SLIT2: variants seen among roughly 807,000 people sequenced by gnomAD.
SLIT2 encodes the protein slit guidance ligand 2.
A neutral mutation model predicts 185.7 loss-of-function variants in SLIT2; 41 were observed. The observed-to-expected ratio is 0.22, with a 90% CI of 0.17 to 0.29. SLIT2 has a LOEUF of 0.29. SLIT2 is among the 10% of genes least tolerant of loss of function. The probability of loss-of-function intolerance (pLI) is 1.00; values close to 1 mark genes in which losing one functional copy is unlikely to be tolerated. For missense variants in SLIT2, 1,571 were observed against 1,909.0 expected, an observed-to-expected ratio of 0.82 and a Z score of 3.30; for synonymous variants, 693 against 680.2, an observed-to-expected ratio of 1.02 and a Z score of -0.29.
At chr4:20,514,886 G>A (rs542536247) in intron 11 of SLIT2, among the ~76,000 whole-genome samples, 17 of 151,676 alleles carry the variant, frequency 1.1e-4, no homozygotes, top group South Asian at 2.1e-4. Context: ...CATTCATGTC[G>A]TTTTCAGGGA....
chr4:20,428,435 A>G (rs990682314), intron 4 of SLIT2, among the ~76,000 whole-genome samples: 2 of 152,174 alleles, frequency 1.3e-5, no homozygotes, highest in Admixed American at 6.5e-5. Context: ...CTTTTCCTCA[A>G]AATGTGTTTT....
Position 20,599,687 on chromosome 4 carries a change from G to GT in SLIT2, c.3692+1299dup, listed in dbSNP as rs376000910. Reference sequence around the variant, plus strand: ...TTCAGGAAAAAGGCAGAAATCTGGGGTTTTTTTAATATAAATTTTCTCTCC... The same window carrying GT: ...TTCAGGAAAAAGGCAGAAATCTGGGGTTTTTTTTAATATAAATTTTCTCTCC... On this transcript the variant is annotated intron_variant, in intron 33 of 36. Transcript: ENST00000504154. Among the ~76,000 whole-genome samples, 632 of 152,192 alleles carry GT rather than the reference G, an allele frequency of 4.2e-3. 9 individuals carry two copies. The highest frequency in any genetic ancestry group is 0.014 in the African/African-American group (596 of 41,530).
intron 4 of SLIT2, among the ~76,000 whole-genome samples, chr4:20,399,715 C>A (rs1204314976): frequency 6.6e-6 from 1 of 151,680 alleles, no homozygotes; most frequent in African/African-American, 2.4e-5. Flanking sequence ...CAATTAATTG[C>A]TACAAGGAAA....
intron 4 of SLIT2, among the ~76,000 whole-genome samples, chr4:20,335,855 T>C (rs774961386): frequency 6.6e-6 from 1 of 152,150 alleles, no homozygotes; most frequent in Non-Finnish European, 1.5e-5. Flanking sequence ...CAATTAATAA[T>C]AATAACTACC....
chr4:20,532,677 T>C (rs1721914307), intron 17 of SLIT2, among the ~76,000 whole-genome samples: 1 of 152,188 alleles, frequency 6.6e-6, no homozygotes, highest in African/African-American at 2.4e-5. Context: ...ATCAGCTCAC[T>C]TTAGCTGTGT....
At chr4:20,294,181 C>T (rs1716243110) in intron 4 of SLIT2, among the ~76,000 whole-genome samples, 1 of 151,894 alleles carries the variant, frequency 6.6e-6, no homozygotes, top group Admixed American at 6.6e-5. Context: ...AACCCTGTCT[C>T]TACTAAAATT....
chr4:20,293,929 T>A (rs1306346995), intron 4 of SLIT2, among the ~76,000 whole-genome samples: 2 of 144,518 alleles, frequency 1.4e-5, no homozygotes, highest in African/African-American at 5.2e-5. Context: ...CCTTTTTTAC[T>A]TTTTTTTTTT....
chr4:20,586,161 A>G (rs1313001988), intron 29 of SLIT2, among the ~76,000 whole-genome samples: 2 of 152,212 alleles, frequency 1.3e-5, no homozygotes, highest in African/African-American at 4.8e-5. Context: ...CCTCAAGTAT[A>G]GCAGAATCCA....
At chr4:20,326,133 A>G (rs541863235) in intron 4 of SLIT2, among the ~76,000 whole-genome samples, 2 of 152,220 alleles carry the variant, frequency 1.3e-5, no homozygotes, top group East Asian at 3.9e-4. Flanking sequence ...ATAGAAAGTG[A>G]ACTGCATATT....
At chr4:20,492,830 T>C (rs1486893253) in intron 9 of SLIT2, among the ~76,000 whole-genome samples, 3 of 152,180 alleles carry the variant, frequency 2.0e-5, no homozygotes, top group Non-Finnish European at 4.4e-5. Context: ...AAGTAACTTA[T>C]CTAATGTACC....
rs773090263 is a variant in SLIT2, at chr4:20,596,576, G to C, written c.3482G>C (p.Ser1161Thr). Reference protein sequence around the residue: ...YQGEKCEKLVSVNFINKESYL... With the variant: ...YQGEKCEKLVTVNFINKESYL... Reference sequence around the variant, plus strand: ...GGAGAAAAGTGTGAAAAATTGGTTAGTGTGAATTTTATAAACAAAGAGTCT... The same window carrying C: ...GGAGAAAAGTGTGAAAAATTGGTTACTGTGAATTTTATAAACAAAGAGTCT... Residue 1161 changes from serine to threonine, a missense_variant, in exon 32 of 37, where the codon AGT becomes ACT. By Grantham distance (58) the Ser-to-Thr change is moderately conservative. Coordinates refer to ENST00000504154, the MANE Select transcript of SLIT2 (RefSeq NM_004787.4). 1 of 1,613,984 alleles carries C rather than the reference G, an allele frequency of 6.2e-7. No homozygotes were observed. The highest frequency in any genetic ancestry group is 1.7e-5 in the Admixed American group (1 of 60,010).
intron 8 of SLIT2, among the ~76,000 whole-genome samples, chr4:20,491,112 T>G (rs946836763): frequency 6.6e-6 from 1 of 152,210 alleles, no homozygotes; most frequent in Non-Finnish European, 1.5e-5. Context: ...GGGAGCTACT[T>G]ATACCAAAAT....
intron 33 of SLIT2, among the ~76,000 whole-genome samples, chr4:20,603,034 T>A (rs1481463738): frequency 6.6e-6 from 1 of 152,178 alleles, no homozygotes; most frequent in African/African-American, 2.4e-5. Flanking sequence ...AGTAATTGTA[T>A]TAGCCTGTTT....
At chr4:20,518,141 TTA>T (rs201319960) in intron 11 of SLIT2, among the ~76,000 whole-genome samples, 13,098 of 141,578 alleles carry the variant, frequency 0.093, 1,352 homozygotes, top group African/African-American at 0.25. Context: ...ATACATATAT[TTA>T]TATATATACA....
chr4:20,254,310 G>A lies in SLIT2; in HGVS notation c.179+316G>A, dbSNP rs1047430647. Among the ~76,000 whole-genome samples the A allele has an allele frequency of 6.6e-6, 1 of 152,166 alleles. No homozygotes were observed. Among genetic ancestry groups the A allele is most frequent in the Non-Finnish European group, 1.5e-5 (1 of 68,032 alleles). ...GGGACAAGTACTGGAGGATGCCCGGGGCAAGTGAGACGCCACTTTGTTCTC... is the reference window on the plus strand; with the variant it reads ...GGGACAAGTACTGGAGGATGCCCGGAGCAAGTGAGACGCCACTTTGTTCTC... On this transcript the variant is annotated intron_variant, in intron 1 of 36. Transcript: ENST00000504154. The surrounding 1 kb of genome is among the most constrained non-coding windows in gnomAD (Gnocchi z 5.1).
intron 30 of SLIT2, among the ~76,000 whole-genome samples, chr4:20,590,264 A>AT (rs1048261225): frequency 2.0e-5 from 3 of 151,880 alleles, no homozygotes; most frequent in African/African-American, 7.3e-5. Flanking sequence ...TTCATCCATG[A>AT]TTTTTTTTGT....
At chr4:20,414,276 C>T (rs942470083) in intron 4 of SLIT2, among the ~76,000 whole-genome samples, 2 of 152,144 alleles carry the variant, frequency 1.3e-5, no homozygotes, top group African/African-American at 2.4e-5. Flanking sequence ...CAGCTTGTGT[C>T]CCCCTAGCTA....
intron 1 of SLIT2, chr4:20,255,210 A>G (rs1024951885): frequency 5.8e-5 from 21 of 364,558 alleles, no homozygotes; most frequent in African/African-American, 4.5e-4. Flanking sequence ...CGGGCCGTGG[A>G]GAGGAGGCGC....
intron 9 of SLIT2, among the ~76,000 whole-genome samples, chr4:20,504,716 AT>A (rs1719040397): frequency 6.6e-6 from 1 of 152,122 alleles, no homozygotes; most frequent in Non-Finnish European, 1.5e-5. Context: ...ATATACACAT[AT>A]AATTTTATAG....
Sources: gnomAD v4.1 joint callset for allele counts (sites outside exome capture counted in the v4.1 genomes callset) on GRCh38, gnomAD v4.1.1 for gene constraint, Gnocchi (gnomAD v3.1) non-coding constraint, MANE v1.5 for transcripts, NCBI Gene and HGNC (gene_info 2026-07-23, HGNC 2026-07-21) for gene names.